Variants in LRBA observed in about 807,000 individuals in gnomAD.
The protein encoded by LRBA is lipopolysaccharide-responsive and beige-like anchor protein.
In LRBA, 176 loss-of-function variants were observed where a neutral mutation model predicts 330.0. The ratio of observed to expected loss-of-function variants is 0.53; its 90% CI spans 0.47 to 0.60. The LOEUF is 0.60. LRBA is among the 20% of genes least tolerant of loss of function. The pLI is 0.00. For synonymous variants in LRBA, 1,230 were observed against 1,193.0 expected (o/e 1.03, Z -0.64); for missense variants, 3,259 against 3,444.8 (o/e 0.95, Z 1.35).
chr4:150,912,627 G>A (rs1193891914), intron 9 of LRBA, among the ~76,000 whole-genome samples: 2 of 152,186 alleles, frequency 1.3e-5, no homozygotes, highest in East Asian at 3.8e-4. Context: ...ACCACCCGTG[G>A]TCCATGGAAA....
intron 30 of LRBA, among the ~76,000 whole-genome samples, chr4:150,820,721 A>G (rs1173571658): frequency 6.6e-6 from 1 of 152,060 alleles, no homozygotes; most frequent in Non-Finnish European, 1.5e-5. Flanking sequence ...AGCAGTAGGT[A>G]GATTTTGAAA....
chr4:150,775,224 A>T (rs1045407914), intron 34 of LRBA, among the ~76,000 whole-genome samples: 1 of 152,174 alleles, frequency 6.6e-6, no homozygotes, highest in Non-Finnish European at 1.5e-5. Context: ...CCCTTTAAAA[A>T]TTTATTTCTC....
intron 47 of LRBA, among the ~76,000 whole-genome samples, chr4:150,384,754 T>C (rs908061342): frequency 1.6e-5 from 2 of 127,668 alleles, no homozygotes; most frequent in African/African-American, 6.7e-5. Flanking sequence ...CTTTAATTTC[T>C]TTTTTTTTTT....
At chr4:150,923,273 T>C (rs1733519757) in intron 4 of LRBA, among the ~76,000 whole-genome samples, 1 of 152,108 alleles carries the variant, frequency 6.6e-6, no homozygotes, top group Non-Finnish European at 1.5e-5. Flanking sequence ...TCTACTTCTT[T>C]AGCCTCATTT....
At chr4:150,314,395 G>A (rs1448118163) in intron 51 of LRBA, among the ~76,000 whole-genome samples, 2 of 151,976 alleles carry the variant, frequency 1.3e-5, no homozygotes, top group Non-Finnish European at 2.9e-5. Flanking sequence ...ATTATACTTG[G>A]GGAAATGATA....
chr4:150,498,815 G>T (rs1396733396), intron 40 of LRBA, among the ~76,000 whole-genome samples: 1 of 152,030 alleles, frequency 6.6e-6, no homozygotes, highest in Non-Finnish European at 1.5e-5. Context: ...CTGTACAAAA[G>T]AAACATTTCA....
At chr4:150,651,922 G>A (rs570270555) in intron 37 of LRBA, among the ~76,000 whole-genome samples, 1 of 152,076 alleles carries the variant, frequency 6.6e-6, no homozygotes, top group African/African-American at 2.4e-5. Context: ...GAGTGCACTG[G>A]TGCCTTGATC....
chr4:150,782,134 T>C (rs1421024566), intron 34 of LRBA, among the ~76,000 whole-genome samples: 1 of 152,158 alleles, frequency 6.6e-6, no homozygotes, highest in Non-Finnish European at 1.5e-5. Flanking sequence ...CTCAAACTCC[T>C]GGACTCAAGC....
intron 37 of LRBA, among the ~76,000 whole-genome samples, chr4:150,657,273 A>G (rs1780290317): frequency 6.6e-6 from 1 of 152,326 alleles, no homozygotes; most frequent in African/African-American, 2.4e-5. Context: ...AAAACAAAAT[A>G]TAATTTTTCT....
Position 150,583,511 on chromosome 4 carries a change from G to C in LRBA, c.6330+4537C>G. ...GCGGACACCAGCGAGGTCAAGTTGCGCATCAGGGAGCGCTATGTGGTGCAA... is the reference window on the plus strand; with the variant it reads ...GCGGACACCAGCGAGGTCAAGTTGCCCATCAGGGAGCGCTATGTGGTGCAA... On this transcript the variant is annotated intron_variant, in intron 40 of 56. Transcript: ENST00000651943. This position sits in a 1 kb window ranked among gnomAD's most constrained non-coding sequence, Gnocchi z 9.8. 1 of 1,613,904 alleles carries C rather than the reference G, an allele frequency of 6.2e-7. No individual in the cohort carries two copies. The highest frequency in any genetic ancestry group is 8.5e-7 in the Non-Finnish European group (1 of 1,180,034).
chr4:150,881,622 A>G (rs927986717), intron 17 of LRBA, among the ~76,000 whole-genome samples: 1 of 152,312 alleles, frequency 6.6e-6, no homozygotes, highest in Admixed American at 6.5e-5. Flanking sequence ...GCATCATACA[A>G]TATACCCATG....
At chr4:150,485,532 G>C (rs1757772901) in intron 42 of LRBA, among the ~76,000 whole-genome samples, 1 of 151,816 alleles carries the variant, frequency 6.6e-6, no homozygotes, top group African/African-American at 2.4e-5. Context: ...GTCCAATATG[G>C]CTGGTGTCTT....
At chr4:150,439,621 T>C (rs561704830) in intron 44 of LRBA, among the ~76,000 whole-genome samples, 10 of 152,332 alleles carry the variant, frequency 6.6e-5, no homozygotes, top group Non-Finnish European at 1.2e-4. Flanking sequence ...CACTGATTTA[T>C]TGTGGTAATA....
chr4:150,310,684 A>G (rs1054296329), intron 51 of LRBA: 3 of 240,572 alleles, frequency 1.2e-5, no homozygotes, highest in African/African-American at 6.8e-5. Flanking sequence ...AAACTAGATT[A>G]CAATCTCCAG....
intron 42 of LRBA, among the ~76,000 whole-genome samples, chr4:150,482,223 T>C (rs947964675): frequency 6.6e-6 from 1 of 152,098 alleles, no homozygotes; most frequent in African/African-American, 2.4e-5. Flanking sequence ...CTAGCAATCA[T>C]TGCTCTGTTT....
In LRBA at chr4:150,495,138, C is replaced by T. The variant is rs116707324; in HGVS notation, c.6331-4103G>A. On this transcript the variant is annotated intron_variant, in intron 40 of 56. Coordinates refer to ENST00000651943, the MANE Select transcript of LRBA (RefSeq NM_001364905.1). ...ATTACAGACAGTGTTAAAATTCACACGCATAACGCTTCCTGATCCCATTTT... is the reference window on the plus strand; with the variant it reads ...ATTACAGACAGTGTTAAAATTCACATGCATAACGCTTCCTGATCCCATTTT... Among the ~76,000 whole-genome samples the T allele has an allele frequency of 2.7e-3, 412 of 152,286 alleles. 1 individual carries two copies. The highest frequency in any genetic ancestry group is 9.2e-3 in the African/African-American group (382 of 41,570).
At chr4:150,866,737 G>A (rs1344302290) in intron 22 of LRBA, among the ~76,000 whole-genome samples, 1 of 152,136 alleles carries the variant, frequency 6.6e-6, no homozygotes, top group Non-Finnish European at 1.5e-5. Flanking sequence ...AAATAGTCAT[G>A]TCATGCAATA....
intron 40 of LRBA, among the ~76,000 whole-genome samples, chr4:150,503,110 G>A (rs1412206232): frequency 6.6e-6 from 1 of 152,234 alleles, no homozygotes; most frequent in African/African-American, 2.4e-5. Context: ...TGCCTCTGGA[G>A]GCTCCACCTC....
At chr4:150,470,553 G>A (rs1281010168) in intron 43 of LRBA, among the ~76,000 whole-genome samples, 3 of 151,850 alleles carry the variant, frequency 2.0e-5, no homozygotes, top group African/African-American at 7.3e-5. Context: ...TATCCTCCTT[G>A]ACCTATACTT....
Sources: allele counts gnomAD v4.1 joint callset (sites outside exome capture counted in the v4.1 genomes callset), GRCh38; gene constraint gnomAD v4.1.1; non-coding constraint Gnocchi (gnomAD v3.1); transcripts MANE v1.5; gene names NCBI Gene and HGNC (gene_info 2026-07-23, HGNC 2026-07-21).